TPST1: variants seen among roughly 807,000 people sequenced by gnomAD.
The protein encoded by TPST1 is tyrosylprotein sulfotransferase 1.
TPST1 carries 20 observed loss-of-function variants against 34.8 expected under a neutral mutation model. That is an observed-to-expected ratio of 0.57 (90% CI 0.40 to 0.84). TPST1 has a LOEUF of 0.84. Among genes scored for constraint, TPST1 ranks in the 40% least tolerant of loss-of-function variants. The pLI is 0.00. For missense variants in TPST1, 353 were observed against 455.5 expected (o/e 0.78, Z 2.05); for synonymous variants, 152 against 159.4 (o/e 0.95, Z 0.35).
At chr7:66,317,352 T>C (rs1791655225) in intron 3 of TPST1, among the ~76,000 whole-genome samples, 1 of 152,238 alleles carries the variant, frequency 6.6e-6, no homozygotes, top group Non-Finnish European at 1.5e-5. Context: ...CTGTATTCTG[T>C]TGCTCCTTTT....
At chr7:66,226,869 C>T (rs141114392) in intron 1 of TPST1, among the ~76,000 whole-genome samples, 396 of 151,980 alleles carry the variant, frequency 2.6e-3, no homozygotes, top group African/African-American at 9.0e-3. Flanking sequence ...GGGGTGCCTT[C>T]TCAATTACTT....
chr7:66,301,717 C>T (rs1791321714), intron 3 of TPST1, among the ~76,000 whole-genome samples: 1 of 152,278 alleles, frequency 6.6e-6, no homozygotes, highest in South Asian at 2.1e-4. Flanking sequence ...ACATACACAA[C>T]ATTGATTAAG....
At chr7:66,297,745 G>A (rs1791231085) in intron 3 of TPST1, among the ~76,000 whole-genome samples, 1 of 152,204 alleles carries the variant, frequency 6.6e-6, no homozygotes, top group African/African-American at 2.4e-5. Context: ...ACAAAAAGCT[G>A]CAGCAGCAGT....
intron 1 of TPST1, among the ~76,000 whole-genome samples, chr7:66,222,527 G>C (rs1355575782): frequency 6.6e-6 from 1 of 152,172 alleles, no homozygotes; most frequent in Non-Finnish European, 1.5e-5. Flanking sequence ...CAATACAGTG[G>C]TATGTGTGCT....
At chr7:66,304,833 T>C (rs75053387) in intron 3 of TPST1, among the ~76,000 whole-genome samples, 1 of 152,048 alleles carries the variant, frequency 6.6e-6, no homozygotes, top group Non-Finnish European at 1.5e-5. Context: ...TTTTTTTTTT[T>C]TCTTGGCAAG....
the TPST1 span, among the ~76,000 whole-genome samples, chr7:66,199,417 C>T: frequency 6.6e-6 from 1 of 150,914 alleles, no homozygotes; most frequent in East Asian, 1.9e-4. Context: ...GCCTCAGCCT[C>T]CCGAGTAGCT....
intron 3 of TPST1, among the ~76,000 whole-genome samples, chr7:66,334,752 T>C (rs1236193440): frequency 6.6e-6 from 1 of 151,986 alleles, no homozygotes; most frequent in African/African-American, 2.4e-5. Context: ...TAAGTGGTCA[T>C]TTCAGACTGT....
At chr7:66,357,305 C>T (rs182642192) in intron 5 of TPST1, among the ~76,000 whole-genome samples, 25 of 152,310 alleles carry the variant, frequency 1.6e-4, no homozygotes, top group African/African-American at 5.5e-4. Flanking sequence ...TCAAGAGTGG[C>T]TGTTTACTTC....
intron 3 of TPST1, among the ~76,000 whole-genome samples, chr7:66,302,040 C>A (rs1326044385): frequency 6.6e-6 from 1 of 152,184 alleles, no homozygotes; most frequent in African/African-American, 2.4e-5. Context: ...GTTTTAACTG[C>A]ATACTGGACC....
chr7:66,213,570 A>G, intron 1 of TPST1, among the ~76,000 whole-genome samples: 1 of 152,118 alleles, frequency 6.6e-6, no homozygotes, highest in Non-Finnish European at 1.5e-5. Context: ...CCTGGCTAAC[A>G]CGGTGAAACC....
chr7:66,265,425 C>G (rs1790570942), intron 2 of TPST1, among the ~76,000 whole-genome samples: 1 of 152,112 alleles, frequency 6.6e-6, no homozygotes, highest in African/African-American at 2.4e-5. Flanking sequence ...TGACATGTGC[C>G]TGTAGTCCCA....
chr7:66,263,312 G>A (rs1039784297), intron 2 of TPST1, among the ~76,000 whole-genome samples: 1 of 152,130 alleles, frequency 6.6e-6, no homozygotes, highest in Non-Finnish European at 1.5e-5. Flanking sequence ...AAGATTGCTT[G>A]TGCACAAAGC....
intron 2 of TPST1, among the ~76,000 whole-genome samples, chr7:66,262,087 C>G (rs1790500442): frequency 6.6e-6 from 1 of 152,152 alleles, no homozygotes; most frequent in African/African-American, 2.4e-5. Context: ...GTATTGCTGT[C>G]CACCTGGTCA....
chr7:66,265,369 G>A (rs542918553), intron 2 of TPST1, among the ~76,000 whole-genome samples: 4 of 152,178 alleles, frequency 2.6e-5, no homozygotes, highest in South Asian at 2.1e-4. Context: ...GCGCAACAGC[G>A]TGAAACCCTG....
At chr7:66,262,994 G>A (rs1790517601) in intron 2 of TPST1, among the ~76,000 whole-genome samples, 2 of 152,098 alleles carry the variant, frequency 1.3e-5, no homozygotes, top group Middle Eastern at 3.4e-3. Flanking sequence ...CAGCTACTGG[G>A]GAGGCTGAGG....
At chr7:66,228,772 A>C (rs1789716980) in intron 1 of TPST1, among the ~76,000 whole-genome samples, 1 of 152,130 alleles carries the variant, frequency 6.6e-6, no homozygotes, top group Non-Finnish European at 1.5e-5. Flanking sequence ...ATCACACCGA[A>C]TCTATTATCT....
At chr7:66,224,869 G>A (rs1429088946) in intron 1 of TPST1, among the ~76,000 whole-genome samples, 3 of 146,886 alleles carry the variant, frequency 2.0e-5, no homozygotes, top group Non-Finnish European at 4.5e-5. Context: ...CTCTCCCCTG[G>A]AGATAAAACT....
chr7:66,271,320 A>G (rs1024695587), intron 2 of TPST1, among the ~76,000 whole-genome samples: 17 of 152,176 alleles, frequency 1.1e-4, no homozygotes, highest in African/African-American at 4.1e-4. Flanking sequence ...CTGGGACTAC[A>G]GGTGCCCGCC....
At chr7:66,330,244 A>G (rs1791971220) in intron 3 of TPST1, among the ~76,000 whole-genome samples, 1 of 152,216 alleles carries the variant, frequency 6.6e-6, no homozygotes, top group African/African-American at 2.4e-5. Context: ...TGGTGGGCCT[A>G]AAGTAATCAC....
Sources: gnomAD v4.1 joint callset for allele counts (sites outside exome capture counted in the v4.1 genomes callset) on GRCh38, gnomAD v4.1.1 for gene constraint, MANE v1.5 for transcripts, NCBI Gene and HGNC (gene_info 2026-07-23, HGNC 2026-07-21) for gene names.